Variants in PATJ observed in about 807,000 individuals in gnomAD.
PATJ encodes the protein inaD-like protein.
A neutral mutation model predicts 224.9 loss-of-function variants in PATJ; 190 were observed. That is an observed-to-expected ratio of 0.84 (90% CI 0.75 to 0.95). The LOEUF (loss-of-function observed/expected upper bound fraction) is 0.95, where lower values mean the gene tolerates loss of function less well. PATJ is among the 40% of genes least tolerant of loss of function. The probability of loss-of-function intolerance (pLI) is 0.00; values close to 1 mark genes in which losing one functional copy is unlikely to be tolerated. For synonymous variants in PATJ, 769 were observed against 820.3 expected, an observed-to-expected ratio of 0.94 and a Z score of 1.07; for missense variants, 2,121 against 2,270.3, an observed-to-expected ratio of 0.93 and a Z score of 1.34.
intron 16 of PATJ, among the ~76,000 whole-genome samples, chr1:61,828,400 AG>A (rs1557718269): frequency 3.1e-5 from 3 of 96,542 alleles, no homozygotes; most frequent in East Asian, 4.4e-4. Flanking sequence ...CTATGAAAAG[AG>A]TTTTTTTTTT....
intron 31 of PATJ, among the ~76,000 whole-genome samples, chr1:62,069,812 A>T (rs1657087371): frequency 6.6e-6 from 1 of 152,180 alleles, no homozygotes; most frequent in Non-Finnish European, 1.5e-5. Flanking sequence ...GCTGGCATGT[A>T]GTAGGTGCTC....
intron 20 of PATJ, among the ~76,000 whole-genome samples, chr1:61,868,077 T>C (rs2148974801): frequency 6.6e-6 from 1 of 152,354 alleles, no homozygotes; most frequent in South Asian, 2.1e-4. Flanking sequence ...TCCACCCTCA[T>C]ACTTCACTTT....
intron 43 of PATJ, 25 bp downstream of exon 43, chr1:62,153,506 T>A: frequency 8.2e-7 from 1 of 1,226,352 alleles, no homozygotes; most frequent in East Asian, 3.2e-5. Context: ...TTAATGTACT[T>A]TTTTAAAAAA....
rs762785758 is a variant in PATJ at position 62,128,030 on chromosome 1, A to G, written c.5102A>G (p.Asp1701Gly). The G allele has an allele frequency of 6.2e-7, 1 of 1,614,088 alleles. No individual in the cohort carries two copies. The highest frequency in any genetic ancestry group is 8.5e-7 in the Non-Finnish European group (1 of 1,179,970). The change falls in exon 40 of 44, where the codon GAT (aspartate) becomes GGT (glycine). Residue 1701 changes from aspartate (D) to glycine (G), a missense_variant. Physicochemically the swap from Asp to Gly is moderately conservative, Grantham distance 94. Transcript: ENST00000642238. ...GGAGGAAGAGGAAGTCCCTTAGGAG[A>G]TATCCCCGTATTTATTGCCATGATT... ...IAGGRGSPLG[D>G]IPVFIAMIQA...
chr1:61,757,239 T>G (rs1178893585), intron 1 of PATJ, among the ~76,000 whole-genome samples: 1 of 151,758 alleles, frequency 6.6e-6, no homozygotes, highest in Non-Finnish European at 1.5e-5. Flanking sequence ...CCTGGCTAAT[T>G]TTTAAAATTT....
At chr1:62,021,159 AG>A (rs1647057648) in intron 29 of PATJ, among the ~76,000 whole-genome samples, 1 of 152,110 alleles carries the variant, frequency 6.6e-6, no homozygotes. Context: ...TTTGGAGGCT[AG>A]GAAGTTTGAG....
At chr1:61,837,863 T>C (rs1660435381) in intron 17 of PATJ, among the ~76,000 whole-genome samples, 2 of 148,978 alleles carry the variant, frequency 1.3e-5, no homozygotes, top group South Asian at 4.3e-4. Context: ...AACAATAGGG[T>C]AGCTCTCTGG....
Position 61,937,911 on chromosome 1 carries a change from G to C in PATJ, c.3670+10082G>C, listed in dbSNP as rs1381577793. Among the ~76,000 whole-genome samples, 3 of 152,206 alleles carry C rather than the reference G, an allele frequency of 2.0e-5. No homozygotes were observed. In the South Asian group the frequency reaches 6.2e-4, roughly 32 times the overall value. ...ATGATCCACCTGCCTCGGCCTCCCA[G>C]AGTGCTGGGATTGCAGGCATGAGCC... On this transcript the variant is annotated intron_variant, in intron 27 of 43. Coordinates refer to ENST00000642238, the MANE Select transcript of PATJ (RefSeq NM_001350145.3).
intron 27 of PATJ, among the ~76,000 whole-genome samples, chr1:61,928,652 C>T (rs1675577433): frequency 6.6e-6 from 1 of 152,002 alleles, no homozygotes; most frequent in African/African-American, 2.4e-5. Context: ...AATAATGATA[C>T]CTACTTCATA....
chr1:61,901,621 A>C (rs1052410381), intron 24 of PATJ, among the ~76,000 whole-genome samples, 162 bp downstream of exon 24: 1 of 152,154 alleles, frequency 6.6e-6, no homozygotes, highest in Admixed American at 6.5e-5. Flanking sequence ...ACAATTTATG[A>C]GTTTCTCAAG....
intron 1 of PATJ, among the ~76,000 whole-genome samples, chr1:61,757,479 G>GA (rs1163437562): frequency 6.6e-6 from 1 of 152,030 alleles, no homozygotes; most frequent in Non-Finnish European, 1.5e-5. Context: ...CAACCTTCCT[G>GA]AGCCCAGGTG....
intron 41 of PATJ, among the ~76,000 whole-genome samples, chr1:62,136,618 CA>C (rs1666898623): frequency 7.0e-6 from 1 of 143,266 alleles, no homozygotes; most frequent in Non-Finnish European, 1.5e-5. Flanking sequence ...GGTCCAGCTG[CA>C]TGTAAGTGCT....
chr1:62,050,827 G>T, intron 30 of PATJ, 139 bp from the exon 31 acceptor site: 1 of 668,342 alleles, frequency 1.5e-6, no homozygotes. Flanking sequence ...TAGAAAGAAA[G>T]AAACAGAAAA....
chr1:62,034,244 A>G (rs1469242728), intron 29 of PATJ, among the ~76,000 whole-genome samples: 1 of 152,094 alleles, frequency 6.6e-6, no homozygotes, highest in African/African-American at 2.4e-5. Flanking sequence ...GGACCTCAAG[A>G]CCAGCATGGC....
intron 41 of PATJ, among the ~76,000 whole-genome samples, chr1:62,134,637 G>A (rs1041766568): frequency 6.6e-6 from 1 of 152,128 alleles, no homozygotes. Context: ...GAGCCACCAC[G>A]CCCGGCCTCT....
intron 24 of PATJ, 36 bp downstream of exon 24, chr1:61,901,495 A>G: frequency 7.1e-7 from 1 of 1,411,336 alleles, no homozygotes; most frequent in Non-Finnish European, 9.7e-7. Context: ...TATTGGAAAC[A>G]TACGGTAAGA....
intron 1 of PATJ, among the ~76,000 whole-genome samples, chr1:61,746,970 A>G (rs980687990): frequency 3.9e-5 from 6 of 152,310 alleles, no homozygotes; most frequent in Non-Finnish European, 7.3e-5. Context: ...TTACAATTGC[A>G]TTTTTACTTA....
chr1:61,776,932 A>G (rs1646945769), intron 7 of PATJ, among the ~76,000 whole-genome samples: 1 of 152,030 alleles, frequency 6.6e-6, no homozygotes, highest in South Asian at 2.1e-4. Context: ...TCACCGTGTT[A>G]GCTATGATGG....
intron 14 of PATJ, among the ~76,000 whole-genome samples, chr1:61,816,908 CT>C (rs1656218118): frequency 6.6e-6 from 1 of 152,170 alleles, no homozygotes; most frequent in South Asian, 2.1e-4. Flanking sequence ...TTCCTCCTTG[CT>C]GATACTCTGA....
Sources: allele counts gnomAD v4.1 joint callset (sites outside exome capture counted in the v4.1 genomes callset), GRCh38; gene constraint gnomAD v4.1.1; transcripts MANE v1.5; gene names NCBI Gene and HGNC (gene_info 2026-07-23, HGNC 2026-07-21).